MEI4: variants seen among roughly 807,000 people sequenced by gnomAD.
MEI4 encodes the protein meiotic double-stranded break formation protein 4, also known as meiosis-specific protein MEI4.
Under a neutral mutation model 31.4 loss-of-function variants are expected in MEI4, and 27 were observed. The observed-to-expected ratio is 0.86, with a 90% CI of 0.63 to 1.19. MEI4 has a LOEUF of 1.19. MEI4 is among the 50% of genes most tolerant of loss of function. MEI4 has a pLI of 0.00. For missense variants in MEI4, 329 were observed against 398.9 expected, an observed-to-expected ratio of 0.82 and a Z score of 1.49; for synonymous variants, 122 against 145.4, an observed-to-expected ratio of 0.84 and a Z score of 1.16.
intron 4 of MEI4, among the ~76,000 whole-genome samples, chr6:77,906,679 G>T (rs912919635): frequency 3.9e-5 from 6 of 152,202 alleles, no homozygotes; most frequent in Non-Finnish European, 5.9e-5. Context: ...GCATAGGGCT[G>T]AGGCCTAACA....
chr6:77,814,082 A>C (rs1769635113), intron 3 of MEI4, among the ~76,000 whole-genome samples: 1 of 152,108 alleles, frequency 6.6e-6, no homozygotes, highest in South Asian at 2.1e-4. Context: ...AGATGTACTT[A>C]GCTCATTGAA....
At chr6:77,798,013 T>C (rs1161910407) in intron 3 of MEI4, among the ~76,000 whole-genome samples, 2 of 152,154 alleles carry the variant, frequency 1.3e-5, no homozygotes, top group Non-Finnish European at 2.9e-5. Context: ...GTTGGGTTTA[T>C]AATATAAATA....
In MEI4 at chr6:77,926,448, T is replaced by C. The variant is rs1030714659; in HGVS notation, c.*3102T>C. 15 of 151,764 alleles carry C rather than the reference T, an allele frequency of 9.9e-5. No homozygotes were observed. The highest frequency in any genetic ancestry group is 7.3e-4 in the Admixed American group (11 of 15,164). 9.4% of individuals were successfully genotyped at this position (151,764 alleles called of 1,614,324 possible). A position where few individuals can be genotyped will look rare whatever the true frequency, so the allele number is the denominator to read the frequency against. ...TGTGAGGCTGTAATGATAAGCAAAATGGGGAGAGAAAACAAATCTGACTGG... is the reference window on the plus strand; with the variant it reads ...TGTGAGGCTGTAATGATAAGCAAAACGGGGAGAGAAAACAAATCTGACTGG... On this transcript the variant is annotated 3_prime_UTR_variant, in exon 5 of 5. Coordinates refer to ENST00000684080, the MANE Select transcript of MEI4 (RefSeq NM_001322247.2).
At chr6:77,672,867 A>G (rs907191793) in intron 1 of MEI4, among the ~76,000 whole-genome samples, 1 of 152,310 alleles carries the variant, frequency 6.6e-6, no homozygotes, top group Admixed American at 6.5e-5. Flanking sequence ...GAAGGGATAT[A>G]TATGTTTTGG....
At chr6:77,678,422 G>C (rs1562202549) in intron 1 of MEI4, among the ~76,000 whole-genome samples, 2 of 152,156 alleles carry the variant, frequency 1.3e-5, no homozygotes, top group African/African-American at 4.8e-5. Flanking sequence ...CATGGAATTT[G>C]AAATGTTTGG....
At chr6:77,707,158 T>C (rs1019259275) in intron 2 of MEI4, among the ~76,000 whole-genome samples, 1 of 151,962 alleles carries the variant, frequency 6.6e-6, no homozygotes, top group East Asian at 1.9e-4. Context: ...GATAGAAATA[T>C]GGACAGTGAA....
intron 3 of MEI4, among the ~76,000 whole-genome samples, chr6:77,785,087 G>A (rs544242554): frequency 1.3e-5 from 2 of 152,210 alleles, no homozygotes; most frequent in South Asian, 2.1e-4. Context: ...TAGAATTCAG[G>A]AAATCATTGG....
intron 4 of MEI4, among the ~76,000 whole-genome samples, chr6:77,852,439 T>G (rs1349542578): frequency 6.6e-6 from 1 of 152,210 alleles, no homozygotes; most frequent in Non-Finnish European, 1.5e-5. Context: ...CACATTAGAT[T>G]GTGAACCATA....
chr6:77,918,133 G>GT lies in MEI4; in HGVS notation c.901-4952dup, dbSNP rs1293947856. Among the ~76,000 whole-genome samples the GT allele has an allele frequency of 2.0e-5, 3 of 150,326 alleles. No individual in the cohort carries two copies. The South Asian group carries it at 6.3e-4, about 31-fold the overall frequency. On this transcript the variant is annotated intron_variant, in intron 4 of 4. Transcript: ENST00000684080. ...TTCTGTTCCATTGATCTATATCTCT[G>GT]TTTTGGTACCAGTACCATGCTGTTT... is the stretch of plus-strand genomic sequence containing the variant.
chr6:77,733,820 A>G (rs1170458170), intron 2 of MEI4, among the ~76,000 whole-genome samples: 3 of 151,962 alleles, frequency 2.0e-5, no homozygotes, highest in Admixed American at 6.5e-5. Flanking sequence ...AGATTCTGGT[A>G]TGTTGTATGT....
chr6:77,736,076 C>T lies in MEI4; in HGVS notation c.233-25054C>T, dbSNP rs550132488. On this transcript the variant is annotated intron_variant, in intron 2 of 4. Coordinates refer to ENST00000684080, the MANE Select transcript of MEI4 (RefSeq NM_001322247.2). ...ACTTTTAAGTCTGCAGAGGTTACTGCTGTCTTTTTGTTTGTCTGTGCCCTG... is the reference window on the plus strand; with the variant it reads ...ACTTTTAAGTCTGCAGAGGTTACTGTTGTCTTTTTGTTTGTCTGTGCCCTG... 1.4e-3 allele frequency among the ~76,000 whole-genome samples: 217 copies of T among 152,200 alleles called. 4 individuals carry two copies. The highest frequency in any genetic ancestry group is 4.6e-3 in the African/African-American group (190 of 41,478).
intron 4 of MEI4, among the ~76,000 whole-genome samples, chr6:77,843,524 G>A (rs191467527): frequency 7.1e-5 from 10 of 141,214 alleles, no homozygotes; most frequent in Admixed American, 2.9e-4. Flanking sequence ...CAAAATGTAG[G>A]CAGACAAATT....
intron 2 of MEI4, among the ~76,000 whole-genome samples, chr6:77,727,841 G>A (rs1766865999): frequency 6.6e-6 from 1 of 152,178 alleles, no homozygotes; most frequent in Admixed American, 6.5e-5. Flanking sequence ...CCTTACCCCT[G>A]GAGAAGCAGC....
chr6:77,866,354 C>T (rs1385721033), intron 4 of MEI4, among the ~76,000 whole-genome samples: 2 of 152,266 alleles, frequency 1.3e-5, no homozygotes, highest in East Asian at 1.9e-4. Flanking sequence ...CCAAAATCTC[C>T]TTAAGCTGAT....
intron 2 of MEI4, among the ~76,000 whole-genome samples, chr6:77,692,034 A>G (rs1769167005): frequency 6.6e-6 from 1 of 151,958 alleles, no homozygotes; most frequent in African/African-American, 2.4e-5. Flanking sequence ...GCTGTGGGTG[A>G]TTTCACCTCT....
intron 3 of MEI4, among the ~76,000 whole-genome samples, chr6:77,783,694 A>AT (rs1019530585): frequency 3.3e-5 from 5 of 152,026 alleles, no homozygotes; most frequent in African/African-American, 9.7e-5. Context: ...TATGGTAAGC[A>AT]TTTTTTATGA....
At chr6:77,853,769 A>T (rs541884962) in intron 4 of MEI4, among the ~76,000 whole-genome samples, 1 of 152,204 alleles carries the variant, frequency 6.6e-6, no homozygotes, top group East Asian at 1.9e-4. Context: ...TGTTAGAAGA[A>T]TAGGGAATGA....
At chr6:77,858,590 C>T (rs1770794003) in intron 4 of MEI4, among the ~76,000 whole-genome samples, 1 of 151,992 alleles carries the variant, frequency 6.6e-6, no homozygotes, top group Non-Finnish European at 1.5e-5. Context: ...CCAAAAAGAT[C>T]ATGTGCCTTT....
chr6:77,794,602 A>C (rs190269848), intron 3 of MEI4, among the ~76,000 whole-genome samples: 1 of 152,238 alleles, frequency 6.6e-6, no homozygotes, highest in Non-Finnish European at 1.5e-5. Context: ...ACGTAAATAT[A>C]TTTTAGTTAC....
Sources: allele counts gnomAD v4.1 joint callset (sites outside exome capture counted in the v4.1 genomes callset), GRCh38; gene constraint gnomAD v4.1.1; transcripts MANE v1.5; gene names NCBI Gene and HGNC (gene_info 2026-07-23, HGNC 2026-07-21).